GLCCI1: variants seen among roughly 807,000 people sequenced by gnomAD.
GLCCI1 encodes the protein glucocorticoid-induced transcript 1 protein.
A neutral mutation model predicts 52.2 loss-of-function variants in GLCCI1; 24 were observed. That is an observed-to-expected ratio of 0.46 (90% CI 0.33 to 0.65). The LOEUF (loss-of-function observed/expected upper bound fraction) is 0.65, where lower values mean the gene tolerates loss of function less well. GLCCI1 is among the 30% of genes least tolerant of loss of function. The pLI is 0.02. For missense variants in GLCCI1, 704 were observed against 701.5 expected (o/e 1.00, Z -0.04); for synonymous variants, 310 against 276.5 (o/e 1.12, Z -1.20).
chr7:7,992,699 C>A lies in GLCCI1; in HGVS notation c.458-11209C>A, dbSNP rs529905441. Among the ~76,000 whole-genome samples the A allele has an allele frequency of 4.5e-3, 682 of 152,164 alleles. 3 individuals are homozygous for A. Among genetic ancestry groups the A allele is most frequent in the African/African-American group, 0.016 (658 of 41,570 alleles). ...GTCATTTCTTGAGGGACTCCTGTTA[C>A]ACACACATGTTGGACCTTCTTTGCC... On this transcript the variant is annotated intron_variant, in intron 1 of 7. Coordinates refer to ENST00000223145, the MANE Select transcript of GLCCI1 (RefSeq NM_138426.4).
chr7:7,979,241 T>G (rs1356454536), intron 1 of GLCCI1, among the ~76,000 whole-genome samples: 2 of 152,202 alleles, frequency 1.3e-5, no homozygotes, highest in Non-Finnish European at 2.9e-5. Flanking sequence ...AAAGGTCTAT[T>G]AATACTTTAC....
At chr7:7,993,868 G>A (rs1780891646) in intron 1 of GLCCI1, among the ~76,000 whole-genome samples, 1 of 151,960 alleles carries the variant, frequency 6.6e-6, no homozygotes, top group Non-Finnish European at 1.5e-5. Context: ...AAAATTGTGA[G>A]TCAAACTATC....
intron 3 of GLCCI1, among the ~76,000 whole-genome samples, chr7:8,038,218 G>T (rs890598196): frequency 1.3e-5 from 2 of 152,090 alleles, no homozygotes; most frequent in African/African-American, 4.8e-5. Flanking sequence ...TACATATTCA[G>T]TATAATTCCT....
chr7:7,980,930 C>G, intron 1 of GLCCI1: 2 of 595,200 alleles, frequency 3.4e-6, no homozygotes, highest in Non-Finnish European at 6.2e-6. Context: ...GATCAATCAC[C>G]AGAACCTACA....
intron 2 of GLCCI1, among the ~76,000 whole-genome samples, chr7:8,009,048 G>A (rs562129236): frequency 5.3e-5 from 8 of 152,216 alleles, no homozygotes; most frequent in Non-Finnish European, 1.0e-4. Context: ...ACATTCACAC[G>A]TTTATTCTGA....
chr7:7,981,578 CTCCCAAAGT>C (rs1780622360), intron 1 of GLCCI1: 1 of 196,306 alleles, frequency 5.1e-6, no homozygotes, highest in Admixed American at 6.0e-5. Context: ...TTGCCCTGGC[CTCCCAAAGT>C]GCTGGGATTA....
intron 2 of GLCCI1, among the ~76,000 whole-genome samples, chr7:8,012,365 T>TATAAATC (rs1190444174): frequency 7.3e-5 from 11 of 151,520 alleles, no homozygotes; most frequent in African/African-American, 2.2e-4. Flanking sequence ...ATATACTGGA[T>TATAAATC]ATAAATCTCT....
chr7:7,980,681 T>A, intron 1 of GLCCI1: 1 of 760,380 alleles, frequency 1.3e-6, no homozygotes, highest in Non-Finnish European at 2.3e-6. Flanking sequence ...ACAATGTCCA[T>A]GGTGAATAAT....
chr7:7,997,950 TAAA>T (rs2115421929), intron 1 of GLCCI1, among the ~76,000 whole-genome samples: 1 of 150,388 alleles, frequency 6.6e-6, no homozygotes, highest in East Asian at 2.0e-4. Flanking sequence ...AATAAATAAA[TAAA>T]TAAATAAATA....
chr7:8,045,173 A>G (rs1404626362), intron 3 of GLCCI1, among the ~76,000 whole-genome samples: 2 of 152,190 alleles, frequency 1.3e-5, no homozygotes, highest in African/African-American at 2.4e-5. Context: ...TATTTACCCA[A>G]CGGTTCCAGT....
rs570797565 is a variant in GLCCI1, at chr7:8,050,791, C to G, written c.697-4642C>G. On this transcript the variant is annotated intron_variant, in intron 3 of 7. Coordinates refer to ENST00000223145, the MANE Select transcript of GLCCI1 (RefSeq NM_138426.4). ...AATGTGGAATTCCACTTACTGAGTC[C>G]AAACACTTGTTTACCACTTAACAAT... Among the ~76,000 whole-genome samples the G allele has an allele frequency of 1.6e-3, 248 of 152,230 alleles. 1 individual carries two copies. The highest frequency in any genetic ancestry group is 2.1e-3 in the Non-Finnish European group (145 of 67,994).
intron 5 of GLCCI1, among the ~76,000 whole-genome samples, chr7:8,065,682 C>CTAT (rs1782616864): frequency 6.6e-6 from 1 of 152,066 alleles, no homozygotes; most frequent in Non-Finnish European, 1.5e-5. Context: ...GTTTTTAGTT[C>CTAT]TATTTGATGA....
intron 1 of GLCCI1, among the ~76,000 whole-genome samples, chr7:7,975,962 A>G (rs1221872700): frequency 2.0e-5 from 3 of 152,266 alleles, no homozygotes; most frequent in African/African-American, 4.8e-5. Context: ...TTAAAAGTTA[A>G]TTACATATGG....
intron 2 of GLCCI1, among the ~76,000 whole-genome samples, chr7:8,015,980 T>C (rs1281356903): frequency 3.9e-5 from 6 of 152,210 alleles, no homozygotes; most frequent in Non-Finnish European, 8.8e-5. Context: ...CTAGGTAAAA[T>C]TGTGAAATAG....
chr7:7,973,607 T>C (rs1419228823), intron 1 of GLCCI1, among the ~76,000 whole-genome samples: 2 of 152,002 alleles, frequency 1.3e-5, no homozygotes, highest in Non-Finnish European at 2.9e-5. Context: ...TTTTGAAAAA[T>C]AGCATATGTT....
chr7:8,065,240 T>G (rs536861337), intron 5 of GLCCI1, among the ~76,000 whole-genome samples: 1 of 152,312 alleles, frequency 6.6e-6, no homozygotes, highest in South Asian at 2.1e-4. Flanking sequence ...ACACTACTGA[T>G]TTTTGTATGT....
intron 6 of GLCCI1, among the ~76,000 whole-genome samples, chr7:8,078,045 T>C (rs964665948): frequency 3.3e-5 from 5 of 151,580 alleles, no homozygotes; most frequent in African/African-American, 7.3e-5. Context: ...CCATCCTGGC[T>C]AACACGGTGA....
chr7:8,071,285 AC>A (rs1299851518), intron 6 of GLCCI1, among the ~76,000 whole-genome samples, 154 bp downstream of exon 6: 2 of 151,614 alleles, frequency 1.3e-5, no homozygotes, highest in Non-Finnish European at 2.9e-5. Flanking sequence ...GGTTTCACAT[AC>A]CCCCTTTTTT....
At chr7:8,077,746 A>G (rs1420789761) in intron 6 of GLCCI1, among the ~76,000 whole-genome samples, 1 of 152,348 alleles carries the variant, frequency 6.6e-6, no homozygotes, top group Admixed American at 6.5e-5. Flanking sequence ...GCTAATTTCC[A>G]TGGCGTCTAC....
Sources: allele counts gnomAD v4.1 joint callset (sites outside exome capture counted in the v4.1 genomes callset), GRCh38; gene constraint gnomAD v4.1.1; transcripts MANE v1.5; gene names NCBI Gene and HGNC (gene_info 2026-07-23, HGNC 2026-07-21).